STON2: variants seen among roughly 807,000 people sequenced by gnomAD.
STON2 encodes the protein stonin-2.
In STON2, 29 loss-of-function variants were observed where a neutral mutation model predicts 65.7. That is an observed-to-expected ratio of 0.44 (90% CI 0.33 to 0.60). STON2 has a LOEUF of 0.60. Ranked by LOEUF, STON2 falls within the 20% of genes least tolerant of loss-of-function variation. The pLI, the probability that STON2 is intolerant of heterozygous loss-of-function variation, is 0.03. For synonymous variants in STON2, 404 were observed against 414.2 expected (o/e 0.98, Z 0.30); for missense variants, 1,054 against 1,118.1 (o/e 0.94, Z 0.82).
chr14:81,284,328 A>T (rs186811780), intron 5 of STON2, among the ~76,000 whole-genome samples: 2 of 152,344 alleles, frequency 1.3e-5, no homozygotes, highest in African/African-American at 4.8e-5. Flanking sequence ...CAGTTAACCC[A>T]GTTGTGAATG....
intron 5 of STON2, among the ~76,000 whole-genome samples, chr14:81,310,664 A>G (rs948475960): frequency 6.6e-6 from 1 of 152,184 alleles, no homozygotes; most frequent in Non-Finnish European, 1.5e-5. Context: ...CTCATTTAAT[A>G]TTCAATTATC....
chr14:81,300,251 C>G (rs1374436162), intron 5 of STON2, among the ~76,000 whole-genome samples: 1 of 151,706 alleles, frequency 6.6e-6, no homozygotes, highest in African/African-American at 2.4e-5. Context: ...AAAAAGTAGA[C>G]CTTTACCCTT....
At chr14:81,377,177 T>G (rs1444955039) in intron 3 of STON2, among the ~76,000 whole-genome samples, 2 of 152,214 alleles carry the variant, frequency 1.3e-5, no homozygotes, top group Non-Finnish European at 2.9e-5. Flanking sequence ...ATCTCCATAC[T>G]CTGTTCCTAA....
intron 7 of STON2, chr14:81,269,581 G>A (rs1894490133): frequency 1.0e-6 from 1 of 985,330 alleles, no homozygotes; most frequent in Middle Eastern, 5.2e-4. Context: ...TCAGGTTTGA[G>A]GGAGGTGCTA....
intron 4 of STON2, among the ~76,000 whole-genome samples, chr14:81,363,421 T>G (rs907213789): frequency 1.3e-5 from 2 of 152,156 alleles, no homozygotes; most frequent in African/African-American, 2.4e-5. Flanking sequence ...TCTCAGTAAC[T>G]GCCAAATGGT....
At chr14:81,371,951 T>C (rs1352622939) in intron 3 of STON2, among the ~76,000 whole-genome samples, 1 of 152,292 alleles carries the variant, frequency 6.6e-6, no homozygotes, top group Non-Finnish European at 1.5e-5. Context: ...TGTAACTATA[T>C]ATGAACATGT....
chr14:81,301,418 A>G (rs1346094802), intron 5 of STON2, among the ~76,000 whole-genome samples: 1 of 148,644 alleles, frequency 6.7e-6, no homozygotes, highest in African/African-American at 2.6e-5. Flanking sequence ...CAGAGGCAAC[A>G]GGCAAATAAA....
rs1555397665 is a variant in STON2, at chr14:81,306,220, C to CTATTTTTTTTTTTTTTTTTTTT, written c.742+17796_742+17797insAAAAAAAAAAAAAAAAAAAATA. 2.9e-5 allele frequency among the ~76,000 whole-genome samples: 2 copies of CTATTTTTTTTTTTTTTTTTTTT among 69,490 alleles called. 1 individual carries two copies. 45.6% of individuals were successfully genotyped at this position (69,490 alleles called of 152,430 possible). A position where few individuals can be genotyped will look rare whatever the true frequency, so the allele number is the denominator to read the frequency against. ...TTATATATACACACACATACATACT[C>CTATTTTTTTTTTTTTTTTTTTT]TTTTTTTTTTTTTTTTTTTTTTTTT... On this transcript the variant is annotated intron_variant, in intron 5 of 7. Coordinates refer to ENST00000614646, the MANE Select transcript of STON2 (RefSeq NM_001394390.1).
upstream of STON2, among the ~76,000 whole-genome samples, chr14:81,402,991 C>T (rs771925400): frequency 3.9e-5 from 6 of 152,174 alleles, no homozygotes; most frequent in Non-Finnish European, 8.8e-5. Flanking sequence ...GAGCATAGTG[C>T]CTGGCACAGG....
At chr14:81,421,530 C>T (rs537618968) in intron 2 of STON2, among the ~76,000 whole-genome samples, 10 of 152,226 alleles carry the variant, frequency 6.6e-5, no homozygotes, top group East Asian at 3.9e-4. Flanking sequence ...GATTAGGCAT[C>T]GCAAGATGGG....
At chr14:81,356,367 C>T (rs1392255438) in intron 4 of STON2, among the ~76,000 whole-genome samples, 2 of 152,120 alleles carry the variant, frequency 1.3e-5, no homozygotes, top group Admixed American at 1.3e-4. Flanking sequence ...CCCACTTGAT[C>T]GTGGTGGATA....
intron 2 of STON2, among the ~76,000 whole-genome samples, chr14:81,421,476 G>A (rs1901700881): frequency 1.3e-5 from 2 of 152,192 alleles, no homozygotes; most frequent in African/African-American, 2.4e-5. Context: ...GAAGCAATGA[G>A]AGAGATCAAC....
At chr14:81,304,748 G>T (rs929012588) in intron 5 of STON2, among the ~76,000 whole-genome samples, 1 of 151,832 alleles carries the variant, frequency 6.6e-6, no homozygotes, top group Non-Finnish European at 1.5e-5. Flanking sequence ...AGGAAGGGAG[G>T]GAGGGATGGA....
chr14:81,422,148 G>T (rs559008013), intron 2 of STON2, among the ~76,000 whole-genome samples: 1 of 152,320 alleles, frequency 6.6e-6, no homozygotes, highest in Admixed American at 6.5e-5. Context: ...TTGATCCCCA[G>T]TGTTGGTGGT....
Position 81,263,555 on chromosome 14 carries a change from A to AAC in STON2, c.*4858_*4859insGT, listed in dbSNP as rs1894241399. 2 of 192,216 alleles carry AAC rather than the reference A, an allele frequency of 1.0e-5. No homozygotes were observed. The highest frequency in any genetic ancestry group is 1.9e-5 in the Non-Finnish European group (2 of 108,060). 11.9% of individuals were successfully genotyped at this position (192,216 alleles called of 1,614,324 possible). A position where few individuals can be genotyped will look rare whatever the true frequency, so the allele number is the denominator to read the frequency against. The stretch of plus-strand genomic sequence containing the variant: ...TCCGTCTCAAAAAAAAAAAAAAAAA[A>AAC]AAAAACAAAAAAGAAAATGCTATTT... On this transcript the variant is annotated 3_prime_UTR_variant, in exon 8 of 8. Coordinates refer to ENST00000614646, the MANE Select transcript of STON2 (RefSeq NM_001394390.1).
intron 3 of STON2, among the ~76,000 whole-genome samples, chr14:81,393,015 C>A (rs930950280): frequency 6.6e-6 from 1 of 152,114 alleles, no homozygotes; most frequent in African/African-American, 2.4e-5. Context: ...TTGAAAGGGT[C>A]TCAGGAGACA....
chr14:81,280,482 C>T (rs9323699), intron 5 of STON2, among the ~76,000 whole-genome samples: 91,794 of 151,914 alleles, frequency 0.6, 28,192 homozygotes, highest in Non-Finnish European at 0.66. Context: ...TACCATCCTA[C>T]CCACTGTTTC....
intron 5 of STON2, among the ~76,000 whole-genome samples, chr14:81,279,630 G>T (rs535197122): frequency 4.3e-4 from 66 of 152,090 alleles, no homozygotes; most frequent in Admixed American, 7.9e-4. Context: ...GGCAGAGATA[G>T]AAGTCAGCGG....
chr14:81,406,855 A>G (rs1393817294), intron 2 of STON2, among the ~76,000 whole-genome samples: 1 of 152,170 alleles, frequency 6.6e-6, no homozygotes. Context: ...GTACACCCAG[A>G]CATACTTCTG....
Sources: gnomAD v4.1 joint callset for allele counts (sites outside exome capture counted in the v4.1 genomes callset) on GRCh38, gnomAD v4.1.1 for gene constraint, MANE v1.5 for transcripts, NCBI Gene and HGNC (gene_info 2026-07-23, HGNC 2026-07-21) for gene names.